The following TBC1D5 variants were observed in gnomAD, a reference collection of about 807,000 sequenced individuals.
TBC1D5 encodes the protein TBC1 domain family, member 5.
In TBC1D5, 75 loss-of-function variants were observed where a neutral mutation model predicts 100.3. That is an observed-to-expected ratio of 0.75 (90% CI 0.62 to 0.91). TBC1D5 has a LOEUF of 0.91. Ranked by LOEUF, TBC1D5 falls within the 40% of genes least tolerant of loss-of-function variation. The probability of loss-of-function intolerance (pLI) is 0.00; values close to 1 mark genes in which losing one functional copy is unlikely to be tolerated. For missense variants in TBC1D5, 910 were observed against 942.4 expected (o/e 0.97, Z 0.45); for synonymous variants, 323 against 325.6 (o/e 0.99, Z 0.09).
chr3:17,736,497 A>C (rs867700107), intron 1 of TBC1D5, among the ~76,000 whole-genome samples: 10 of 152,320 alleles, frequency 6.6e-5, no homozygotes, highest in Non-Finnish European at 1.2e-4. Flanking sequence ...GGTCTAGTTT[A>C]ATGAATATGC....
chr3:17,603,952 T>C (rs193212739), intron 2 of TBC1D5, among the ~76,000 whole-genome samples: 1 of 152,126 alleles, frequency 6.6e-6, no homozygotes, highest in African/African-American at 2.4e-5. Context: ...GCGCTATTCC[T>C]TTACTTTTCT....
rs554911182 is a variant in TBC1D5, at chr3:17,687,151, A to C, written c.-101+52192T>G. 3.2e-4 allele frequency among the ~76,000 whole-genome samples: 48 copies of C among 152,268 alleles called. 1 individual carries two copies. The South Asian group carries it at 9.3e-3, about 30-fold the overall frequency. On this transcript the variant is annotated intron_variant, in intron 1 of 21. Coordinates refer to ENST00000253692, the Ensembl canonical transcript of TBC1D5. ...GCTCAAAAACTATCTTATTTTTTCAAATATGTATTCTTCACTTATATGACT... is the reference window on the plus strand; with the variant it reads ...GCTCAAAAACTATCTTATTTTTTCACATATGTATTCTTCACTTATATGACT...
chr3:17,336,868 T>A (rs1270745247), intron 13 of TBC1D5, among the ~76,000 whole-genome samples: 2 of 152,106 alleles, frequency 1.3e-5, no homozygotes, highest in Non-Finnish European at 2.9e-5. Context: ...TTGAGTTTCA[T>A]GACAAATGAT....
At chr3:17,192,888 C>T (rs184785721) in intron 18 of TBC1D5, among the ~76,000 whole-genome samples, 82 of 152,356 alleles carry the variant, frequency 5.4e-4, no homozygotes, top group Non-Finnish European at 9.1e-4. Flanking sequence ...GGATTTGTCC[C>T]GACAGGATGG....
At chr3:17,621,131 A>G (rs536621298) in intron 2 of TBC1D5, among the ~76,000 whole-genome samples, 17 of 152,224 alleles carry the variant, frequency 1.1e-4, no homozygotes, top group Non-Finnish European at 2.2e-4. Context: ...GCAAGCAAGC[A>G]AGAAACCTGT....
chr3:17,499,257 A>AAGG (rs1343614627), intron 3 of TBC1D5, among the ~76,000 whole-genome samples: 1 of 152,164 alleles, frequency 6.6e-6, no homozygotes, highest in East Asian at 1.9e-4. Context: ...TTATACTTGT[A>AAGG]AGGGCCTAGT....
At chr3:17,264,916 T>A (rs942289681) in intron 15 of TBC1D5, among the ~76,000 whole-genome samples, 3 of 152,214 alleles carry the variant, frequency 2.0e-5, no homozygotes, top group Admixed American at 2.0e-4. Context: ...AAATTCATGA[T>A]AACAAATAGG....
intron 1 of TBC1D5, among the ~76,000 whole-genome samples, chr3:17,736,642 G>T (rs2076985034): frequency 6.6e-6 from 1 of 152,194 alleles, no homozygotes; most frequent in Non-Finnish European, 1.5e-5. Context: ...GGCAAGAGAT[G>T]TAACGTTAGG....
intron 21 of TBC1D5, 70 bp downstream of exon 22, chr3:17,166,697 T>C (rs1046219815): frequency 1.3e-6 from 2 of 1,545,956 alleles, no homozygotes; most frequent in African/African-American, 2.8e-5. Flanking sequence ...GGTGTATTCT[T>C]AACTTTGAGG....
In TBC1D5 at chr3:17,544,466, C is replaced by T. The variant is rs1272200038; in HGVS notation, c.-35-35861G>A. Among the ~76,000 whole-genome samples, 3 of 152,120 alleles carry T rather than the reference C, an allele frequency of 2.0e-5. 1 individual carries two copies. Among genetic ancestry groups the T allele is most frequent in the African/African-American group, 7.2e-5 (3 of 41,442 alleles). ...AGGGGTTTGAGACCAGCCTGACCAA[C>T]ATGGTGAAACCCCATCTCTACTAAA... On this transcript the variant is annotated intron_variant, in intron 2 of 21. Coordinates refer to ENST00000253692, the Ensembl canonical transcript of TBC1D5.
chr3:17,401,551 T>C (rs762127666), intron 8 of TBC1D5, among the ~76,000 whole-genome samples: 2 of 152,000 alleles, frequency 1.3e-5, no homozygotes, highest in African/African-American at 2.4e-5. Context: ...TCACTGCCTG[T>C]TTGGTGTGGC....
intron 3 of TBC1D5, among the ~76,000 whole-genome samples, chr3:17,466,219 G>T: frequency 6.6e-6 from 1 of 152,142 alleles, no homozygotes; most frequent in Non-Finnish European, 1.5e-5. Context: ...CAGTATTTTG[G>T]TATGTCATGA....
intron 13 of TBC1D5, among the ~76,000 whole-genome samples, chr3:17,352,686 A>AAAAAAAC (rs1553700495): frequency 1.4e-5 from 2 of 147,606 alleles, no homozygotes; most frequent in South Asian, 2.1e-4. Flanking sequence ...CAAAAGGCAA[A>AAAAAAAC]AAAAAAAAAA....
chr3:17,550,757 A>T (rs1212462582), intron 2 of TBC1D5, among the ~76,000 whole-genome samples: 2 of 152,170 alleles, frequency 1.3e-5, no homozygotes. Flanking sequence ...ACAAAATGTT[A>T]TTTTGCCATA....
At chr3:17,655,364 A>G (rs1310502728) in intron 1 of TBC1D5, among the ~76,000 whole-genome samples, 1 of 151,046 alleles carries the variant, frequency 6.6e-6, no homozygotes, top group Non-Finnish European at 1.5e-5. Flanking sequence ...CTAAATGAGG[A>G]GTTAATGGGT....
At chr3:17,497,030 T>G (rs2095715908) in intron 3 of TBC1D5, among the ~76,000 whole-genome samples, 1 of 151,836 alleles carries the variant, frequency 6.6e-6, no homozygotes. Context: ...ATAGTACTGC[T>G]TTTATGAGCT....
At chr3:17,701,328 G>A (rs945692346) in intron 1 of TBC1D5, among the ~76,000 whole-genome samples, 1 of 152,136 alleles carries the variant, frequency 6.6e-6, no homozygotes, top group Non-Finnish European at 1.5e-5. Flanking sequence ...GCCTGTTAGG[G>A]GGTAGGGGGC....
Position 17,358,437 on chromosome 3 carries a change from C to T in TBC1D5, c.995+13638G>A, listed in dbSNP as rs544780322. ...CCGACCTCAGGTGATCCTCCCACCTCGGCCTCCCAAAGTGCTGGGATTACA... is the reference window on the plus strand; with the variant it reads ...CCGACCTCAGGTGATCCTCCCACCTTGGCCTCCCAAAGTGCTGGGATTACA... On this transcript the variant is annotated intron_variant, in intron 13 of 21. Coordinates refer to ENST00000253692, the Ensembl canonical transcript of TBC1D5. 4.5e-4 allele frequency among the ~76,000 whole-genome samples: 68 copies of T among 152,236 alleles called. 2 individuals carry two copies. In the South Asian group the frequency reaches 0.011, roughly 24 times the overall value.
chr3:17,721,591 G>A (rs1480886917), intron 1 of TBC1D5, among the ~76,000 whole-genome samples: 1 of 152,074 alleles, frequency 6.6e-6, no homozygotes, highest in South Asian at 2.1e-4. Context: ...GTGAAGCTAT[G>A]AGCCTGGCTG....
Sources: gnomAD v4.1 joint callset for allele counts (sites outside exome capture counted in the v4.1 genomes callset) on GRCh38, gnomAD v4.1.1 for gene constraint, MANE v1.5 for transcripts, NCBI Gene and HGNC (gene_info 2026-07-23, HGNC 2026-07-21) for gene names.